Variants in MAGI2 observed in about 807,000 individuals in gnomAD.
The protein encoded by MAGI2 is membrane-associated guanylate kinase, WW and PDZ domain-containing protein 2.
MAGI2 carries 35 observed loss-of-function variants against 133.3 expected under a neutral mutation model. The observed-to-expected ratio is 0.26, with a 90% confidence interval of 0.20 to 0.35. MAGI2 has a LOEUF of 0.35. Ranked by LOEUF, MAGI2 falls within the 10% of genes least tolerant of loss-of-function variation. MAGI2 has a pLI of 1.00. For synonymous variants in MAGI2, 729 were observed against 710.6 expected (o/e 1.03, Z -0.41); for missense variants, 1,636 against 1,863.4 (o/e 0.88, Z 2.25).
intron 3 of MAGI2, among the ~76,000 whole-genome samples, chr7:78,549,816 G>A (rs1424288289): frequency 1.3e-5 from 2 of 151,956 alleles, no homozygotes; most frequent in Non-Finnish European, 2.9e-5. Flanking sequence ...CTTTAATAAG[G>A]GCCTATTTGT....
chr7:78,131,180 T>C (rs75892035), intron 18 of MAGI2, among the ~76,000 whole-genome samples: 2 of 152,238 alleles, frequency 1.3e-5, no homozygotes, highest in Admixed American at 6.5e-5. Flanking sequence ...GTTGAAGTGA[T>C]AGATGTTGAG....
intron 1 of MAGI2, among the ~76,000 whole-genome samples, chr7:79,157,861 T>G (rs902867378): frequency 1.1e-4 from 17 of 150,968 alleles, no homozygotes; most frequent in South Asian, 4.2e-4. Context: ...TTTTTTTTTT[T>G]TTTTTTTTTT....
intron 6 of MAGI2, among the ~76,000 whole-genome samples, chr7:78,428,979 G>T (rs1799538324): frequency 6.6e-6 from 1 of 152,094 alleles, no homozygotes; most frequent in South Asian, 2.1e-4. Context: ...ATAATGCTGT[G>T]TTACTAACAA....
At chr7:78,589,733 T>C (rs1009379008) in intron 3 of MAGI2, among the ~76,000 whole-genome samples, 2 of 152,194 alleles carry the variant, frequency 1.3e-5, no homozygotes, top group Admixed American at 1.3e-4. Flanking sequence ...AAAGGGTACA[T>C]GTCAAATTTG....
intron 1 of MAGI2, among the ~76,000 whole-genome samples, chr7:79,259,397 T>G (rs1585352847): frequency 6.6e-6 from 1 of 152,336 alleles, no homozygotes; most frequent in South Asian, 2.1e-4. Context: ...ATATCAAGAT[T>G]GACTTTATTC....
At chr7:78,265,348 CAA>C (rs1168285510) in intron 9 of MAGI2, among the ~76,000 whole-genome samples, 1 of 152,094 alleles carries the variant, frequency 6.6e-6, no homozygotes, top group African/African-American at 2.4e-5. Context: ...AAAGAAAGCA[CAA>C]AAGACTGTTT....
chr7:79,239,240 A>G (rs1162991963), intron 1 of MAGI2, among the ~76,000 whole-genome samples: 4 of 152,186 alleles, frequency 2.6e-5, no homozygotes, highest in Non-Finnish European at 5.9e-5. Flanking sequence ...CATACAGTAT[A>G]AGCAGAAAAG....
chr7:78,920,169 G>A (rs1799119873), intron 2 of MAGI2, among the ~76,000 whole-genome samples: 1 of 152,066 alleles, frequency 6.6e-6, no homozygotes, highest in Non-Finnish European at 1.5e-5. Context: ...TTCATGTCAT[G>A]GAGACTGTAT....
chr7:78,714,434 C>G (rs1819508948), intron 2 of MAGI2, among the ~76,000 whole-genome samples: 1 of 152,194 alleles, frequency 6.6e-6, no homozygotes, highest in African/African-American at 2.4e-5. Context: ...AATGGTTTCT[C>G]TGGCAACAGG....
At chr7:79,069,974 G>A (rs1052141239) in intron 1 of MAGI2, among the ~76,000 whole-genome samples, 14 of 152,318 alleles carry the variant, frequency 9.2e-5, no homozygotes, top group African/African-American at 3.1e-4. Flanking sequence ...CAAGAGATCT[G>A]CTGTTAGTCT....
chr7:79,140,568 C>T (rs1822030848), intron 1 of MAGI2, among the ~76,000 whole-genome samples: 1 of 151,978 alleles, frequency 6.6e-6, no homozygotes, highest in South Asian at 2.1e-4. Flanking sequence ...CGATGAAAAA[C>T]AGTAAATCTG....
At chr7:78,535,769 T>A (rs934149299) in intron 3 of MAGI2, among the ~76,000 whole-genome samples, 14 of 152,112 alleles carry the variant, frequency 9.2e-5, no homozygotes, top group Non-Finnish European at 1.8e-4. Context: ...GTCACCGTTT[T>A]AAAACCTGAG....
intron 6 of MAGI2, among the ~76,000 whole-genome samples, chr7:78,382,442 A>G (rs1168617899): frequency 6.6e-6 from 1 of 152,132 alleles, no homozygotes; most frequent in Non-Finnish European, 1.5e-5. Context: ...CAAAAAAATT[A>G]AGTCAAATCT....
intron 1 of MAGI2, among the ~76,000 whole-genome samples, chr7:79,348,045 T>C (rs978771693): frequency 2.6e-5 from 4 of 151,890 alleles, no homozygotes; most frequent in African/African-American, 9.7e-5. Context: ...TCTAAAAATG[T>C]AAGTCAAGTA....
intron 1 of MAGI2, among the ~76,000 whole-genome samples, chr7:79,092,709 G>A (rs948238242): frequency 1.3e-5 from 2 of 152,042 alleles, no homozygotes; most frequent in Admixed American, 6.6e-5. Context: ...TTTCTTTTTG[G>A]CTTTGTATAC....
At chr7:78,716,063 G>A (rs923432799) in intron 2 of MAGI2, among the ~76,000 whole-genome samples, 1 of 152,168 alleles carries the variant, frequency 6.6e-6, no homozygotes, top group African/African-American at 2.4e-5. Context: ...GCTAGTGCTT[G>A]CTTCTGGGAA....
At position 78,521,601 on chromosome 7, in the gene MAGI2, ATGG is replaced by A. The variant is rs1282081110; in HGVS notation, c.580_582del (p.Pro194del). On this transcript the variant is annotated inframe_deletion, in exon 4 of 22. Coordinates refer to ENST00000354212, the MANE Select transcript of MAGI2 (RefSeq NM_012301.4). ...ATCTGGTCTGTTACATTTAACAATA[ATGG>A]TGCTGGTTCTGCTGGCGGCTTTGGG... 4 of 1,613,966 alleles carry A rather than the reference ATGG, an allele frequency of 2.5e-6. No individual in the cohort carries two copies. The African/African-American group carries it at 5.3e-5, about 22-fold the overall frequency.
intron 2 of MAGI2, among the ~76,000 whole-genome samples, chr7:79,002,304 T>C (rs560885772): frequency 9.2e-5 from 14 of 151,934 alleles, no homozygotes; most frequent in African/African-American, 3.4e-4. Context: ...AATTTTTTTT[T>C]TGTAGAGATA....
chr7:78,389,029 TTGAAAG>T (rs1271729787), intron 6 of MAGI2, among the ~76,000 whole-genome samples: 1 of 152,200 alleles, frequency 6.6e-6, no homozygotes, highest in Non-Finnish European at 1.5e-5. Flanking sequence ...GAGATAATAC[TTGAAAG>T]TGAAAGATAA....
Sources: gnomAD v4.1 joint callset for allele counts (sites outside exome capture counted in the v4.1 genomes callset) on GRCh38, gnomAD v4.1.1 for gene constraint, MANE v1.5 for transcripts, NCBI Gene and HGNC (gene_info 2026-07-23, HGNC 2026-07-21) for gene names.